C10orf143: variants seen among roughly 807,000 people sequenced by gnomAD.
C10orf143 encodes chromosome 10 open reading frame 143.
Position 130,065,636 on chromosome 10 carries a change from A to C in C10orf143, c.298-1253T>G, listed in dbSNP as rs914533338. ...CCTGCGCTTCCCAGAATATTCCCAGAATCACATGTGTAGCAGGTATCCCTT... is the reference window on the plus strand; with the variant it reads ...CCTGCGCTTCCCAGAATATTCCCAGCATCACATGTGTAGCAGGTATCCCTT... On this transcript the variant is annotated intron_variant, in intron 3 of 3. Coordinates refer to ENST00000637128, the MANE Select transcript of C10orf143 (RefSeq NM_001355042.2). The surrounding 1 kb of genome is among the most constrained non-coding windows in gnomAD (Gnocchi z 4.2). 1.3e-5 allele frequency: 2 copies of C among 152,252 alleles called. No homozygotes were observed. Among genetic ancestry groups the C allele is most frequent in the African/African-American group, 4.8e-5 (2 of 41,458 alleles). The allele number at this position is 152,252 out of a possible 1,614,324, so 9.4% of individuals were successfully genotyped here.
At chr10:130,037,675 C>G (rs889869380) in intron 3 of C10orf143, among the ~76,000 whole-genome samples, 8 of 152,168 alleles carry the variant, frequency 5.3e-5, no homozygotes, top group African/African-American at 1.9e-4. Context: ...ACAAAAATAC[C>G]CCAAGGAAAT....
chr10:130,105,949 C>T, intron 1 of C10orf143: 1 of 384,420 alleles, frequency 2.6e-6, no homozygotes, highest in South Asian at 2.0e-5. Flanking sequence ...CTCCGGTTGC[C>T]GGGTGCGGAT....
chr10:130,090,426 G>C (rs1861362207), intron 1 of C10orf143, among the ~76,000 whole-genome samples: 1 of 152,176 alleles, frequency 6.6e-6, no homozygotes, highest in Non-Finnish European at 1.5e-5. Context: ...CACAGACCAG[G>C]AGATTCCCTC....
intron 1 of C10orf143, among the ~76,000 whole-genome samples, chr10:130,105,719 A>C (rs1443306513): frequency 2.0e-5 from 3 of 152,046 alleles, no homozygotes; most frequent in Non-Finnish European, 4.4e-5. Flanking sequence ...GACAAGAGTG[A>C]GACTCCGTTC....
chr10:130,048,817 C>T (rs1860705748), intron 3 of C10orf143, among the ~76,000 whole-genome samples: 1 of 152,114 alleles, frequency 6.6e-6, no homozygotes, highest in Non-Finnish European at 1.5e-5. Context: ...ATCCTCCCGC[C>T]TCAGTCCCCC....
chr10:130,061,983 T>C (rs142338778), downstream of C10orf143, among the ~76,000 whole-genome samples: 462 of 148,970 alleles, frequency 3.1e-3, 6 homozygotes, highest in African/African-American at 0.011. Context: ...TGACAGCAAG[T>C]CAGGGGGTGG....
rs147596908 is a variant in C10orf143 at position 130,103,299 on chromosome 10, T to G, written c.69+7405A>C. Reference sequence around the variant, plus strand: ...CAGCTGAGTCTTGATTTTTTAATTCTCTGCCTTTTCCTTTGGGTATTTAGT... The same window carrying G: ...CAGCTGAGTCTTGATTTTTTAATTCGCTGCCTTTTCCTTTGGGTATTTAGT... On this transcript the variant is annotated intron_variant, in intron 1 of 3. Coordinates refer to ENST00000637128, the MANE Select transcript of C10orf143 (RefSeq NM_001355042.2). 7.7e-3 allele frequency among the ~76,000 whole-genome samples: 1,168 copies of G among 152,260 alleles called. 16 individuals are homozygous for G. Among genetic ancestry groups the G allele is most frequent in the African/African-American group, 0.027 (1,115 of 41,546 alleles).
intron 3 of C10orf143, among the ~76,000 whole-genome samples, chr10:130,053,510 T>C (rs1288184876): frequency 6.6e-6 from 1 of 152,222 alleles, no homozygotes; most frequent in African/African-American, 2.4e-5. Flanking sequence ...GGTTCTTGCC[T>C]CTACCTCTGT....
intron 1 of C10orf143, chr10:130,108,253 G>A: frequency 1.3e-6 from 2 of 1,562,296 alleles, no homozygotes; most frequent in Non-Finnish European, 1.8e-6. Flanking sequence ...TTCCACCAGG[G>A]GATTTCCCAG....
chr10:130,042,911 C>G (rs1476625470), intron 3 of C10orf143, among the ~76,000 whole-genome samples: 1 of 152,086 alleles, frequency 6.6e-6, no homozygotes, highest in Non-Finnish European at 1.5e-5. Flanking sequence ...TCAGTCGTGG[C>G]AAAATACCCT....
chr10:130,091,828 T>A (rs1861387510), intron 1 of C10orf143, among the ~76,000 whole-genome samples: 1 of 151,914 alleles, frequency 6.6e-6, no homozygotes, highest in Non-Finnish European at 1.5e-5. Context: ...AGATTGAAGA[T>A]CAACTTAATG....
chr10:130,092,472 G>A (rs977545628), intron 1 of C10orf143, among the ~76,000 whole-genome samples: 2 of 152,180 alleles, frequency 1.3e-5, no homozygotes, highest in Non-Finnish European at 2.9e-5. Flanking sequence ...ATACCAAATT[G>A]TAAAGACCAT....
intron 3 of C10orf143, among the ~76,000 whole-genome samples, chr10:130,078,872 C>A (rs1385813612): frequency 1.3e-5 from 2 of 152,048 alleles, no homozygotes; most frequent in Non-Finnish European, 1.5e-5. Context: ...CGCACAAATT[C>A]CTGGTTTCTA....
At chr10:130,085,807 C>T (rs1435822459) in intron 1 of C10orf143, among the ~76,000 whole-genome samples, 1 of 152,082 alleles carries the variant, frequency 6.6e-6, no homozygotes, top group Non-Finnish European at 1.5e-5. Context: ...ATCTTGCATC[C>T]CTAATGTGAG....
chr10:130,049,503 A>T (rs915572044), intron 3 of C10orf143, among the ~76,000 whole-genome samples: 1 of 152,204 alleles, frequency 6.6e-6, no homozygotes, highest in Non-Finnish European at 1.5e-5. Flanking sequence ...CTCCACCTGG[A>T]GGGGCCCTTG....
intron 3 of C10orf143, among the ~76,000 whole-genome samples, chr10:130,044,643 C>G (rs562549228): frequency 7.2e-5 from 11 of 152,276 alleles, no homozygotes; most frequent in Admixed American, 7.2e-4. Context: ...GGATGCTTGG[C>G]TCTTAAATCC....
At chr10:130,092,167 A>G (rs1861393086) in intron 1 of C10orf143, among the ~76,000 whole-genome samples, 2 of 152,226 alleles carry the variant, frequency 1.3e-5, no homozygotes, top group South Asian at 4.1e-4. Context: ...GCCAGAGAGA[A>G]AGGTTGGGTT....
intron 1 of C10orf143, among the ~76,000 whole-genome samples, chr10:130,092,752 G>A (rs887221315): frequency 1.3e-5 from 2 of 151,964 alleles, no homozygotes; most frequent in African/African-American, 2.4e-5. Context: ...AGCAAAAAAA[G>A]CAGGGTTACA....
At chr10:130,103,931 A>G (rs1861599073) in intron 1 of C10orf143, among the ~76,000 whole-genome samples, 1 of 152,130 alleles carries the variant, frequency 6.6e-6, no homozygotes, top group African/African-American at 2.4e-5. Context: ...TGCTCTACCC[A>G]AGAAACCTGG....
Sources: gnomAD v4.1 joint callset for allele counts (sites outside exome capture counted in the v4.1 genomes callset) on GRCh38, gnomAD v4.1.1 for gene constraint, Gnocchi (gnomAD v3.1) non-coding constraint, MANE v1.5 for transcripts, NCBI Gene and HGNC (gene_info 2026-07-23, HGNC 2026-07-21) for gene names.